The following LHFPL6 variants were observed in gnomAD, a reference collection of about 807,000 sequenced individuals.
The protein encoded by LHFPL6 is LHFPL tetraspan subfamily member 6, also known as LHFPL tetraspan subfamily member 6 protein.
LHFPL6 carries 9 observed loss-of-function variants against 20.6 expected under a neutral mutation model. The ratio of observed to expected loss-of-function variants is 0.44; its 90% CI spans 0.26 to 0.76. The LOEUF is 0.76. LHFPL6 is among the 30% of genes least tolerant of loss of function. The pLI, the probability that LHFPL6 is intolerant of heterozygous loss-of-function variation, is 0.20. For synonymous variants in LHFPL6, 105 were observed against 98.7 expected (o/e 1.06, Z -0.38); for missense variants, 218 against 253.5 (o/e 0.86, Z 0.95).
intron 2 of LHFPL6, among the ~76,000 whole-genome samples, chr13:39,544,886 T>A (rs1425889173): frequency 1.3e-5 from 2 of 151,980 alleles, no homozygotes; most frequent in Non-Finnish European, 2.9e-5. Flanking sequence ...AACACCAAAC[T>A]TACTACAAAT....
At chr13:39,384,147 C>A (rs1409567014) in intron 2 of LHFPL6, among the ~76,000 whole-genome samples, 1 of 152,304 alleles carries the variant, frequency 6.6e-6, no homozygotes, top group African/African-American at 2.4e-5. Context: ...ATCTTAATAC[C>A]CCACCGTATT....
intron 2 of LHFPL6, among the ~76,000 whole-genome samples, chr13:39,390,567 A>G (rs1202644135): frequency 6.6e-6 from 1 of 152,182 alleles, no homozygotes; most frequent in Non-Finnish European, 1.5e-5. Context: ...AGCAGGTGAG[A>G]GACGAAATAC....
chr13:39,467,249 C>T (rs760164251), intron 2 of LHFPL6, among the ~76,000 whole-genome samples: 2 of 152,254 alleles, frequency 1.3e-5, no homozygotes, highest in East Asian at 1.9e-4. Context: ...CTGGGTGCCA[C>T]GTCTTATTTG....
At chr13:39,421,990 T>C (rs1871502162) in intron 2 of LHFPL6, among the ~76,000 whole-genome samples, 1 of 152,156 alleles carries the variant, frequency 6.6e-6, no homozygotes, top group Admixed American at 6.5e-5. Context: ...TCATAAACAA[T>C]TGGTTTGGGT....
At chr13:39,579,788 A>G (rs1453823313) in intron 2 of LHFPL6, among the ~76,000 whole-genome samples, 1 of 152,232 alleles carries the variant, frequency 6.6e-6, no homozygotes, top group Admixed American at 6.5e-5. Flanking sequence ...TGAAGATAGA[A>G]TAACGATCTA....
At chr13:39,502,844 G>C (rs1869339075) in intron 2 of LHFPL6, among the ~76,000 whole-genome samples, 1 of 152,088 alleles carries the variant, frequency 6.6e-6, no homozygotes, top group South Asian at 2.1e-4. Context: ...GTCTTTTCCA[G>C]AGTAATAAAT....
chr13:39,482,569 T>C (rs868611132), intron 2 of LHFPL6, among the ~76,000 whole-genome samples: 2 of 152,140 alleles, frequency 1.3e-5, no homozygotes, highest in East Asian at 3.8e-4. Context: ...AACAGAAAGA[T>C]TGTTGAGGAA....
intron 2 of LHFPL6, among the ~76,000 whole-genome samples, chr13:39,579,729 A>C (rs1172999240): frequency 6.6e-6 from 1 of 152,206 alleles, no homozygotes; most frequent in Non-Finnish European, 1.5e-5. Context: ...ATCTTAGAAA[A>C]TATCACTTCA....
At position 39,394,485 on chromosome 13, in the gene LHFPL6, G is replaced by A. The variant is rs566731671; in HGVS notation, c.386-15959C>T. On this transcript the variant is annotated intron_variant, in intron 2 of 3. Coordinates refer to ENST00000379589, the MANE Select transcript of LHFPL6 (RefSeq NM_005780.3). Reference sequence around the variant, plus strand: ...GGCAGCCTCAAGATGATCTAATCTAGTGCTTCTCAAACTTTGCCATGAAAA... The same window carrying A: ...GGCAGCCTCAAGATGATCTAATCTAATGCTTCTCAAACTTTGCCATGAAAA... 1.5e-3 allele frequency among the ~76,000 whole-genome samples: 228 copies of A among 152,280 alleles called. 4 individuals carry two copies. In the South Asian group the frequency reaches 0.031, roughly 21 times the overall value.
At chr13:39,369,611 C>T (rs1566095699) in intron 3 of LHFPL6, among the ~76,000 whole-genome samples, 8 of 149,562 alleles carry the variant, frequency 5.3e-5, no homozygotes, top group African/African-American at 1.5e-4. Context: ...CCCTCTCTCC[C>T]TCCCTTCCTT....
intron 2 of LHFPL6, among the ~76,000 whole-genome samples, chr13:39,421,225 A>C (rs1003939524): frequency 2.0e-5 from 3 of 152,226 alleles, no homozygotes; most frequent in African/African-American, 7.2e-5. Context: ...AAATTCACCA[A>C]AGTGATGCTC....
intron 2 of LHFPL6, among the ~76,000 whole-genome samples, chr13:39,424,465 C>T (rs988086854): frequency 1.3e-5 from 2 of 152,076 alleles, no homozygotes; most frequent in African/African-American, 2.4e-5. Context: ...AGCTCAGCCT[C>T]GTATGGTTGA....
intron 2 of LHFPL6, among the ~76,000 whole-genome samples, chr13:39,455,568 C>G (rs1872550177): frequency 6.6e-6 from 1 of 152,144 alleles, no homozygotes; most frequent in African/African-American, 2.4e-5. Context: ...AGCAGAAATG[C>G]TTAGTGCAGC....
intron 2 of LHFPL6, among the ~76,000 whole-genome samples, chr13:39,520,334 C>G (rs1870067445): frequency 6.6e-6 from 1 of 152,106 alleles, no homozygotes; most frequent in African/African-American, 2.4e-5. Flanking sequence ...GGTGATTGCT[C>G]TGACCAGCCC....
At chr13:39,363,997 T>C (rs1869947470) in intron 3 of LHFPL6, among the ~76,000 whole-genome samples, 2 of 152,212 alleles carry the variant, frequency 1.3e-5, no homozygotes, top group South Asian at 2.1e-4. Flanking sequence ...TACACAAACG[T>C]AGATGTATAG....
intron 3 of LHFPL6, among the ~76,000 whole-genome samples, chr13:39,350,827 G>A (rs1869551851): frequency 6.6e-6 from 1 of 152,216 alleles, no homozygotes; most frequent in Non-Finnish European, 1.5e-5. Context: ...GACTGTGGCG[G>A]AATTCCAGGG....
At chr13:39,453,984 C>T (rs1220428319) in intron 2 of LHFPL6, among the ~76,000 whole-genome samples, 1 of 150,908 alleles carries the variant, frequency 6.6e-6, no homozygotes, top group African/African-American at 2.4e-5. Context: ...AGATACACTT[C>T]GATTGAGTTC....
At chr13:39,439,583 T>G (rs547314897) in intron 2 of LHFPL6, among the ~76,000 whole-genome samples, 15 of 152,286 alleles carry the variant, frequency 9.8e-5, no homozygotes, top group African/African-American at 3.6e-4. Flanking sequence ...TGCCCAAATA[T>G]CATGCCAAAT....
intron 2 of LHFPL6, among the ~76,000 whole-genome samples, chr13:39,411,581 C>A (rs932447852): frequency 6.6e-6 from 1 of 152,162 alleles, no homozygotes; most frequent in African/African-American, 2.4e-5. Context: ...TCACGAGGAC[C>A]CTTTCATATC....
Sources: gnomAD v4.1 joint callset for allele counts (sites outside exome capture counted in the v4.1 genomes callset) on GRCh38, gnomAD v4.1.1 for gene constraint, MANE v1.5 for transcripts, NCBI Gene and HGNC (gene_info 2026-07-23, HGNC 2026-07-21) for gene names.